Variants in CADM2 observed in about 807,000 individuals in gnomAD.
CADM2 encodes the protein immunoglobulin superfamily member 4D.
CADM2 carries 12 observed loss-of-function variants against 49.8 expected under a neutral mutation model. The observed-to-expected ratio is 0.24, with a 90% CI of 0.15 to 0.39. CADM2 has a LOEUF of 0.39. Among genes scored for constraint, CADM2 ranks in the 10% least tolerant of loss-of-function variants. The pLI is 1.00. For synonymous variants in CADM2, 214 were observed against 175.4 expected, an observed-to-expected ratio of 1.22 and a Z score of -1.74; for missense variants, 378 against 492.3, an observed-to-expected ratio of 0.77 and a Z score of 2.20.
rs550631990 is a variant in CADM2, at chr3:85,059,328, A to C, written c.61+99660A>C. Among the ~76,000 whole-genome samples, 4 of 152,046 alleles carry C rather than the reference A, an allele frequency of 2.6e-5. No homozygotes were observed. In the South Asian group the frequency reaches 6.3e-4, roughly 24 times the overall value. ...TAGCAAATAAAAAAATAAAAAAAAAAACAACTATGCATTTCTCTAAAGTCT... is the reference window on the plus strand; with the variant it reads ...TAGCAAATAAAAAAATAAAAAAAAACACAACTATGCATTTCTCTAAAGTCT... On this transcript the variant is annotated intron_variant, in intron 1 of 9. Coordinates refer to ENST00000383699, the MANE Select transcript of CADM2 (RefSeq NM_001167675.2).
intron 1 of CADM2, among the ~76,000 whole-genome samples, chr3:85,324,715 G>C (rs535021815): frequency 1.1e-4 from 16 of 152,272 alleles, no homozygotes; most frequent in Admixed American, 2.0e-4. Context: ...AACTCTGTGT[G>C]AACAAATTGT....
chr3:85,344,524 G>A (rs1304352576), intron 1 of CADM2, among the ~76,000 whole-genome samples: 1 of 151,920 alleles, frequency 6.6e-6, no homozygotes, highest in Non-Finnish European at 1.5e-5. Flanking sequence ...CTTAAATGGG[G>A]CTTTGGTTAA....
At chr3:85,363,838 C>G (rs1304368719) in intron 1 of CADM2, among the ~76,000 whole-genome samples, 2 of 151,164 alleles carry the variant, frequency 1.3e-5, no homozygotes, top group Non-Finnish European at 2.9e-5. Context: ...GTCTCCATCT[C>G]CTGACCTCGT....
At chr3:85,785,161 G>T (rs889041455) in intron 2 of CADM2, among the ~76,000 whole-genome samples, 6 of 151,724 alleles carry the variant, frequency 4.0e-5, no homozygotes, top group African/African-American at 1.5e-4. Flanking sequence ...CATTTACTTG[G>T]GTCTTTTTTC....
At chr3:85,020,840 A>C (rs2034470996) in intron 1 of CADM2, among the ~76,000 whole-genome samples, 1 of 152,028 alleles carries the variant, frequency 6.6e-6, no homozygotes, top group South Asian at 2.1e-4. Context: ...CACAATAAAA[A>C]AATGTCATTT....
At chr3:85,170,976 T>C (rs2040609898) in intron 1 of CADM2, among the ~76,000 whole-genome samples, 1 of 152,200 alleles carries the variant, frequency 6.6e-6, no homozygotes, top group Non-Finnish European at 1.5e-5. Flanking sequence ...ACTAATTTCC[T>C]TAGGTTGTCA....
At chr3:85,410,266 G>T (rs898841908) in intron 1 of CADM2, among the ~76,000 whole-genome samples, 4 of 152,034 alleles carry the variant, frequency 2.6e-5, no homozygotes, top group African/African-American at 9.7e-5. Flanking sequence ...AATTCTTATT[G>T]CATGACTTTT....
At chr3:85,447,717 G>A (rs2037535248) in intron 1 of CADM2, among the ~76,000 whole-genome samples, 1 of 152,138 alleles carries the variant, frequency 6.6e-6, no homozygotes, top group South Asian at 2.1e-4. Flanking sequence ...ATCACAAACT[G>A]TTATACTGAA....
chr3:85,605,841 A>G (rs1191583239), intron 1 of CADM2, among the ~76,000 whole-genome samples: 1 of 152,074 alleles, frequency 6.6e-6, no homozygotes, highest in Non-Finnish European at 1.5e-5. Flanking sequence ...TAAAGAGTCA[A>G]TGTACAGTAA....
At chr3:84,968,307 A>G (rs1431551766) in intron 1 of CADM2, among the ~76,000 whole-genome samples, 4 of 152,032 alleles carry the variant, frequency 2.6e-5, no homozygotes, top group Admixed American at 2.6e-4. Context: ...TAGAAAATGT[A>G]TTAGTTCTAC....
At chr3:85,277,458 G>A (rs1485928240) in intron 1 of CADM2, among the ~76,000 whole-genome samples, 3 of 151,304 alleles carry the variant, frequency 2.0e-5, no homozygotes, top group Non-Finnish European at 4.4e-5. Context: ...TACCCAGCCA[G>A]ATCCATGTTT....
intron 1 of CADM2, among the ~76,000 whole-genome samples, chr3:85,358,395 A>T (rs1398949864): frequency 6.6e-6 from 1 of 150,732 alleles, no homozygotes; most frequent in Non-Finnish European, 1.5e-5. Context: ...TCCAAAAAAA[A>T]TATATATATA....
At chr3:85,748,384 G>C (rs2068705493) in intron 2 of CADM2, among the ~76,000 whole-genome samples, 1 of 151,846 alleles carries the variant, frequency 6.6e-6, no homozygotes, top group African/African-American at 2.4e-5. Flanking sequence ...AAACGAAGCA[G>C]GCGAAATAGC....
At chr3:85,381,933 A>G (rs1287488703) in intron 1 of CADM2, among the ~76,000 whole-genome samples, 1 of 151,592 alleles carries the variant, frequency 6.6e-6, no homozygotes, top group East Asian at 1.9e-4. Flanking sequence ...AGGAATCATC[A>G]CTCTAATCAG....
chr3:85,234,255 A>G (rs2042362593), intron 1 of CADM2, among the ~76,000 whole-genome samples: 1 of 151,786 alleles, frequency 6.6e-6, no homozygotes, highest in Admixed American at 6.6e-5. Context: ...GTCCCCAATT[A>G]AAACACTTAA....
At chr3:85,967,269 A>G (rs968345690) in intron 8 of CADM2, among the ~76,000 whole-genome samples, 22 of 151,794 alleles carry the variant, frequency 1.4e-4, no homozygotes, top group Middle Eastern at 3.4e-3. Flanking sequence ...TAACTTGCTT[A>G]CTATGGGAGA....
intron 1 of CADM2, among the ~76,000 whole-genome samples, chr3:85,339,869 A>G (rs1031796687): frequency 2.0e-5 from 3 of 151,486 alleles, no homozygotes; most frequent in Non-Finnish European, 4.4e-5. Flanking sequence ...TAGACAAAAC[A>G]TCTTTGCAAA....
At chr3:85,739,172 A>G (rs1351976766) in intron 2 of CADM2, among the ~76,000 whole-genome samples, 6 of 152,090 alleles carry the variant, frequency 3.9e-5, no homozygotes, top group African/African-American at 1.4e-4. Flanking sequence ...TATATATTCT[A>G]TTATTAAACT....
At chr3:85,943,089 A>T (rs865801153) in intron 7 of CADM2, among the ~76,000 whole-genome samples, 4,913 of 151,810 alleles carry the variant, frequency 0.032, 270 homozygotes, top group African/African-American at 0.11. Context: ...TGGCCAGTGA[A>T]GATGAACATT....
Sources: gnomAD v4.1 joint callset for allele counts (sites outside exome capture counted in the v4.1 genomes callset) on GRCh38, gnomAD v4.1.1 for gene constraint, MANE v1.5 for transcripts, NCBI Gene and HGNC (gene_info 2026-07-23, HGNC 2026-07-21) for gene names.